The following PIN4 variants were observed in gnomAD, a reference collection of about 807,000 sequenced individuals.
The protein encoded by PIN4 is peptidyl-prolyl cis-trans isomerase NIMA-interacting 4.
PIN4 carries 3 observed loss-of-function variants against 8.3 expected under a neutral mutation model. The ratio of observed to expected loss-of-function variants is 0.36; its 90% CI spans 0.16 to 0.93. The LOEUF is 0.93. Ranked by LOEUF, PIN4 falls within the 40% of genes least tolerant of loss-of-function variation. The pLI is 0.44. For missense variants in PIN4, 75 were observed against 100.6 expected, an observed-to-expected ratio of 0.75 and a Z score of 1.09; for synonymous variants, 18 against 32.5, an observed-to-expected ratio of 0.55 and a Z score of 1.52.
chrX:72,194,170 C>T (rs1337743810), intron 2 of PIN4, among the ~76,000 whole-genome samples: 3 of 110,636 alleles, frequency 2.7e-5, no homozygotes, highest in Admixed American at 9.7e-5. Context: ...GAGGTCAAGG[C>T]GGGTGGATCA....
chrX:72,254,791 C>G (rs1299014982), intron 3 of PIN4, among the ~76,000 whole-genome samples: 2 of 112,801 alleles, frequency 1.8e-5, no homozygotes, highest in East Asian at 5.5e-4. Flanking sequence ...AATAAAACAG[C>G]CTTTCTTTGT....
At chrX:72,256,236 TGTTA>T (rs906383776) in intron 3 of PIN4, among the ~76,000 whole-genome samples, 7 of 112,222 alleles carry the variant, frequency 6.2e-5, no homozygotes, top group African/African-American at 2.3e-4. Context: ...GCCAAAGTAC[TGTTA>T]GTTGGTGTGT....
intron 3 of PIN4, among the ~76,000 whole-genome samples, chrX:72,245,069 CAAAAAAAAAAAAAAAAAAA>C (rs35952560): frequency 7.6e-4 from 15 of 19,743 alleles, no homozygotes; most frequent in Admixed American, 2.1e-3. Context: ...GAGATCCTGT[CAAAAAAAAAAAAAAAAAAA>C]AAAAAAAAAA....
intron 3 of PIN4, among the ~76,000 whole-genome samples, chrX:72,232,053 T>G (rs2042986312): frequency 1.8e-5 from 2 of 109,473 alleles, no homozygotes; most frequent in South Asian, 7.9e-4. Context: ...CACTCCAGCC[T>G]AGATGACAGA....
At chrX:72,204,980 T>C in intron 3 of PIN4, 1 of 1,100,189 alleles carries the variant, frequency 9.1e-7, no homozygotes. Flanking sequence ...TCATATTCAG[T>C]TTCACTTTAA....
At chrX:72,187,078 C>A (rs1239430412) in intron 2 of PIN4, among the ~76,000 whole-genome samples, 1 of 112,047 alleles carries the variant, frequency 8.9e-6, no homozygotes, top group Non-Finnish European at 1.9e-5. Context: ...CCTTAAAATG[C>A]ATTAAGTTAG....
chrX:72,255,273 A>AATAATAATAATAAT (rs1556407611), intron 3 of PIN4, among the ~76,000 whole-genome samples: 2 of 96,378 alleles, frequency 2.1e-5, no homozygotes, highest in East Asian at 3.6e-4. Context: ...CCATCTCTAA[A>AATAATAATAATAAT]AATAATAATA....
intron 3 of PIN4, among the ~76,000 whole-genome samples, chrX:72,251,080 G>A (rs1404878201): frequency 3.8e-5 from 4 of 104,794 alleles, no homozygotes; most frequent in African/African-American, 1.4e-4. Context: ...TGAGTGGGCC[G>A]GGTGCGGTGG....
At chrX:72,234,164 G>A (rs1322777222) in intron 3 of PIN4, among the ~76,000 whole-genome samples, 3 of 111,905 alleles carry the variant, frequency 2.7e-5, no homozygotes, top group African/African-American at 6.5e-5. Context: ...GTATTTCAGC[G>A]TGAAATGTCA....
intron 3 of PIN4, among the ~76,000 whole-genome samples, chrX:72,231,302 T>A (rs2042981776): frequency 9.0e-6 from 1 of 111,599 alleles, no homozygotes. Context: ...TTTTGCTAGG[T>A]GAAATAAACC....
chrX:72,204,953 T>C, intron 3 of PIN4: 1 of 1,017,340 alleles, frequency 9.8e-7, no homozygotes, highest in South Asian at 2.5e-5. Context: ...AATCCAATTA[T>C]GGGAACAAAA....
chrX:72,190,821 C>T lies in PIN4; in HGVS notation c.117+4287C>T, dbSNP rs763773427. Among the ~76,000 whole-genome samples, 49 of 108,801 alleles carry T rather than the reference C, an allele frequency of 4.5e-4. 1 individual carries two copies. In the East Asian group the frequency reaches 0.013, roughly 28 times the overall value. The allele number at this position is 108,801 out of a possible 115,157, so 94.5% of individuals were successfully genotyped here. On this transcript the variant is annotated intron_variant, in intron 2 of 3. Transcript: ENST00000373669. ...TACAAAAATTAGTCGGGTGTGGTGG[C>T]GGGTGCCTATAATCCCAGCTACTCG...
chrX:72,195,595 C>A (rs1325425967), intron 2 of PIN4, among the ~76,000 whole-genome samples: 1 of 110,115 alleles, frequency 9.1e-6, no homozygotes, highest in African/African-American at 3.3e-5. Flanking sequence ...GAGCCAAGAT[C>A]GGGCCACTGC....
intron 3 of PIN4, chrX:72,207,405 T>C: frequency 8.3e-7 from 1 of 1,211,438 alleles, no homozygotes; most frequent in Non-Finnish European, 1.1e-6. Flanking sequence ...CTTCCATCAA[T>C]GTGTCATCAG....
intron 3 of PIN4, among the ~76,000 whole-genome samples, chrX:72,260,152 G>C (rs147171400): frequency 0.073 from 8,159 of 111,610 alleles, 488 homozygotes; most frequent in East Asian, 0.48. Context: ...GGTTAAGAGA[G>C]TGGGATTGGT....
chrX:72,196,736 G>T (rs200362646), intron 2 of PIN4, 49 bp from the exon 3 acceptor site: 15 of 1,121,022 alleles, frequency 1.3e-5, no homozygotes, highest in Middle Eastern at 7.0e-4. Flanking sequence ...GTACTTTAAG[G>T]AGTCATTTGG....
chrX:72,245,069 CAAAAAAAAAAAAAAAAAAAAAA>C lies in PIN4; in HGVS notation c.313-17628_313-17607del, dbSNP rs35952560. Reference sequence around the variant, plus strand: ...CCCGAGTGACAGAGTGAGATCCTGTCAAAAAAAAAAAAAAAAAAAAAAAAAAAAAAAGGAGCCGAGAGTGGGT... The same window carrying C: ...CCCGAGTGACAGAGTGAGATCCTGTCAAAAAAAAAGGAGCCGAGAGTGGGT... On this transcript the variant is annotated intron_variant, in intron 3 of 3. Transcript: ENST00000423432. Among the ~76,000 whole-genome samples the C allele has an allele frequency of 7.1e-3, 141 of 19,758 alleles. No individual in the cohort carries two copies. The Middle Eastern group carries it at 0.16, about 22-fold the overall frequency. 17.2% of individuals were successfully genotyped at this position (19,758 alleles called of 115,157 possible).
intron 3 of PIN4, among the ~76,000 whole-genome samples, chrX:72,256,867 C>T (rs987250918): frequency 9.8e-5 from 11 of 112,000 alleles, no homozygotes; most frequent in African/African-American, 3.6e-4. Context: ...CCCTCAGGCT[C>T]TGGCATGTTG....
At chrX:72,217,808 C>T (rs944510754) in intron 3 of PIN4, among the ~76,000 whole-genome samples, 2 of 111,543 alleles carry the variant, frequency 1.8e-5, no homozygotes, top group African/African-American at 6.5e-5. Context: ...ATGGGCACTC[C>T]ATGCTGTTCC....
Sources: allele counts gnomAD v4.1 joint callset (sites outside exome capture counted in the v4.1 genomes callset), GRCh38; gene constraint gnomAD v4.1.1; transcripts MANE v1.5; gene names NCBI Gene and HGNC (gene_info 2026-07-23, HGNC 2026-07-21).